The following DYM variants were observed in gnomAD, a reference collection of about 807,000 sequenced individuals.
DYM encodes the protein dymeclin.
DYM carries 78 observed loss-of-function variants against 93.1 expected under a neutral mutation model. The observed-to-expected ratio is 0.84, with a 90% CI of 0.70 to 1.01. The LOEUF is 1.01. Ranked by LOEUF, DYM falls within the 50% of genes least tolerant of loss-of-function variation. The probability of loss-of-function intolerance (pLI) is 0.00; values close to 1 mark genes in which losing one functional copy is unlikely to be tolerated. For missense variants in DYM, 789 were observed against 845.0 expected, an observed-to-expected ratio of 0.93 and a Z score of 0.82; for synonymous variants, 321 against 319.7, an observed-to-expected ratio of 1.00 and a Z score of -0.04.
chr18:49,102,738 C>T (rs112868413), intron 16 of DYM, among the ~76,000 whole-genome samples: 2 of 152,308 alleles, frequency 1.3e-5, no homozygotes, highest in South Asian at 2.1e-4. Flanking sequence ...CTACAAAGGA[C>T]ATGAACTCAT....
chr18:49,228,083 C>T (rs1189707604), intron 13 of DYM, among the ~76,000 whole-genome samples: 1 of 152,156 alleles, frequency 6.6e-6, no homozygotes, highest in Non-Finnish European at 1.5e-5. Context: ...TCTCAATAAT[C>T]ATAGAATCTT....
intron 2 of DYM, among the ~76,000 whole-genome samples, chr18:49,420,581 T>C (rs1341914430): frequency 6.6e-6 from 1 of 152,072 alleles, no homozygotes; most frequent in African/African-American, 2.4e-5. Flanking sequence ...AGTCTACAGC[T>C]CCCAGCATGA....
intron 8 of DYM, among the ~76,000 whole-genome samples, chr18:49,304,282 C>T (rs2146238021): frequency 6.6e-6 from 1 of 152,326 alleles, no homozygotes; most frequent in Non-Finnish European, 1.5e-5. Context: ...TCAAGTAGGA[C>T]ACCCACTTCC....
In DYM at chr18:49,172,419, G is replaced by A. The variant is rs1030376821; in HGVS notation, c.1626-8632C>T. The stretch of plus-strand genomic sequence containing the variant: ...TCACTCTATAAGAAACTGCTAAACC[G>A]TTGCACATTCTTGCTAACACTTGGC... On this transcript the variant is annotated intron_variant, in intron 14 of 17. Transcript: ENST00000675505. 1.2e-4 allele frequency among the ~76,000 whole-genome samples: 19 copies of A among 152,296 alleles called. 1 individual carries two copies. The South Asian group carries it at 1.9e-3, about 15-fold the overall frequency.
intron 16 of DYM, among the ~76,000 whole-genome samples, chr18:49,101,317 A>G (rs1287836956): frequency 6.6e-6 from 1 of 152,172 alleles, no homozygotes; most frequent in South Asian, 2.1e-4. Context: ...ATGTTTTACA[A>G]CCCTCCTCTA....
At chr18:49,422,881 A>T (rs943317824) in intron 2 of DYM, among the ~76,000 whole-genome samples, 1 of 152,208 alleles carries the variant, frequency 6.6e-6, no homozygotes, top group African/African-American at 2.4e-5. Context: ...ATACAGGAGC[A>T]CCCAGATTCA....
At chr18:49,242,769 G>A (rs1369219226) in intron 13 of DYM, among the ~76,000 whole-genome samples, 1 of 152,118 alleles carries the variant, frequency 6.6e-6, no homozygotes, top group East Asian at 1.9e-4. Context: ...GCGCCATCTT[G>A]GCTCACTGCA....
intron 13 of DYM, among the ~76,000 whole-genome samples, chr18:49,229,972 T>C (rs2093647726): frequency 6.6e-6 from 1 of 152,150 alleles, no homozygotes; most frequent in African/African-American, 2.4e-5. Flanking sequence ...AAATCTCCAG[T>C]CTCAAAAGAC....
intron 15 of DYM, among the ~76,000 whole-genome samples, chr18:49,139,909 T>C (rs2084275077): frequency 6.6e-6 from 1 of 152,174 alleles, no homozygotes; most frequent in South Asian, 2.1e-4. Flanking sequence ...TTCTTTTCTT[T>C]CTTTTTAAGA....
chr18:49,450,609 A>G (rs1221730096), intron 1 of DYM, among the ~76,000 whole-genome samples: 1 of 152,198 alleles, frequency 6.6e-6, no homozygotes, highest in Non-Finnish European at 1.5e-5. Flanking sequence ...GGCCCCTGAA[A>G]CATCCAGAGA....
chr18:49,132,494 G>C (rs552411072), intron 15 of DYM, among the ~76,000 whole-genome samples: 1 of 152,132 alleles, frequency 6.6e-6, no homozygotes, highest in Admixed American at 6.5e-5. Flanking sequence ...AGGAGGTTGG[G>C]TTCATATGGT....
chr18:49,145,093 C>T (rs373753648), intron 15 of DYM, among the ~76,000 whole-genome samples: 5 of 30,274 alleles, frequency 1.7e-4, no homozygotes, highest in Non-Finnish European at 3.3e-4. Flanking sequence ...TGCAAGATCC[C>T]GTCTCAAAAA....
rs78448468 is a variant in DYM, at chr18:49,292,218, G to T, written c.764-5602C>A. 3.4e-3 allele frequency among the ~76,000 whole-genome samples: 524 copies of T among 152,026 alleles called. 4 individuals are homozygous for T. Among genetic ancestry groups the T allele is most frequent in the African/African-American group, 0.012 (486 of 41,442 alleles). ...CCTTTCTTCAAGATTTTCCAAGAGG[G>T]CTGAGAAGCTGCTTCTAATGTCAGA... On this transcript the variant is annotated intron_variant, in intron 8 of 17. Transcript: ENST00000675505.
chr18:49,115,925 A>C (rs1161444625), intron 16 of DYM: 1 of 152,146 alleles, frequency 6.6e-6, no homozygotes, highest in East Asian at 1.9e-4. Context: ...TTTCCTTGGG[A>C]ATCCTTATAG....
At chr18:49,375,520 A>C (rs1371029228) in intron 5 of DYM, 2 of 152,174 alleles carry the variant, frequency 1.3e-5, no homozygotes, top group Non-Finnish European at 2.9e-5. Context: ...ACCTTCCATG[A>C]AATGGTCTTC....
chr18:49,067,448 GAGCA>G (rs1568366569), intron 17 of DYM, among the ~76,000 whole-genome samples: 4 of 105,618 alleles, frequency 3.8e-5, no homozygotes, highest in African/African-American at 7.1e-5. Flanking sequence ...AGGGTGATGT[GAGCA>G]CTATGGAAGT....
chr18:49,118,834 G>A lies in DYM; in HGVS notation c.1821C>T (p.Asn607=). ...CLTNSLHHNP[N]LVYALLYKRD... ...GTTTGTAAAGCAGGGCGTATACCAA[G>A]TTTGGGTTGTGGTGAAGGGAATTTG... The change falls in exon 16 of 18, where the codon AAC becomes AAT. Residue 607 remains asparagine, a synonymous_variant. Transcript: ENST00000675505. The A allele has an allele frequency of 6.2e-7, 1 of 1,614,098 alleles. No individual in the cohort carries two copies. Among genetic ancestry groups the A allele is most frequent in the Non-Finnish European group, 8.5e-7 (1 of 1,179,980 alleles).
intron 14 of DYM, among the ~76,000 whole-genome samples, chr18:49,187,528 G>A (rs2090565938): frequency 6.6e-6 from 1 of 152,096 alleles, no homozygotes. Context: ...TTAATTCTAG[G>A]TAACACTGAT....
chr18:49,378,948 T>C (rs367923996), intron 4 of DYM, among the ~76,000 whole-genome samples: 4 of 152,180 alleles, frequency 2.6e-5, no homozygotes, highest in African/African-American at 9.6e-5. Flanking sequence ...TACTGATGAC[T>C]GTAGGAATGA....
Sources: gnomAD v4.1 joint callset for allele counts (sites outside exome capture counted in the v4.1 genomes callset) on GRCh38, gnomAD v4.1.1 for gene constraint, MANE v1.5 for transcripts, NCBI Gene and HGNC (gene_info 2026-07-23, HGNC 2026-07-21) for gene names.